ATP13A3: variants seen among roughly 807,000 people sequenced by gnomAD.
ATP13A3 encodes the protein polyamine-transporting ATPase 13A3.
In ATP13A3, 59 loss-of-function variants were observed where a neutral mutation model predicts 158.1. That is an observed-to-expected ratio of 0.37 (90% CI 0.30 to 0.46). ATP13A3 has a LOEUF of 0.46. Ranked by LOEUF, ATP13A3 falls within the 20% of genes least tolerant of loss-of-function variation. The probability of loss-of-function intolerance (pLI) is 1.00; values close to 1 mark genes in which losing one functional copy is unlikely to be tolerated. For missense variants in ATP13A3, 1,166 were observed against 1,525.2 expected (o/e 0.76, Z 3.92); for synonymous variants, 491 against 504.3 (o/e 0.97, Z 0.35).
rs771081858 is a variant in ATP13A3 at position 194,431,888 on chromosome 3, G to A, written c.2250C>T (p.Asp750=). The change falls in exon 22 of 34, where the codon GAC becomes GAT. Residue 750 remains aspartate, a synonymous_variant. Coordinates refer to ENST00000645319, the MANE Select transcript of ATP13A3 (RefSeq NM_001367549.1). ...ANIRTVMVTG[D]SMLTAVSVAR... ...CCACAGAGACAGCAGTCAACATACT[G>A]TCACCTAATTTTCAAAATATTTTAA... 41 of 1,573,416 alleles carry A rather than the reference G, an allele frequency of 2.6e-5. 1 individual carries two copies. The South Asian group carries it at 4.8e-4, about 19-fold the overall frequency.
chr3:194,412,460 G>C (rs1715515015), intron 32 of ATP13A3, 172 bp from the exon 33 acceptor site: 1 of 561,170 alleles, frequency 1.8e-6, no homozygotes, highest in African/African-American at 1.9e-5. Context: ...TAGGACTTTT[G>C]TAACAAATAC....
intron 2 of ATP13A3, among the ~76,000 whole-genome samples, chr3:194,484,966 A>G (rs1720909096): frequency 6.6e-6 from 1 of 151,898 alleles, no homozygotes; most frequent in Non-Finnish European, 1.5e-5. Flanking sequence ...CTGCGACAGG[A>G]GAATCGCTGA....
chr3:194,421,285 G>A (rs1290122719), intron 30 of ATP13A3, among the ~76,000 whole-genome samples: 2 of 145,630 alleles, frequency 1.4e-5, no homozygotes, highest in African/African-American at 5.2e-5. Flanking sequence ...TGGGCACGGT[G>A]GCTCACGCCT....
chr3:194,448,346 G>A lies in ATP13A3; in HGVS notation c.1150+111C>T. The A allele has an allele frequency of 7.7e-7, 1 of 1,291,066 alleles. No individual in the cohort carries two copies. The highest frequency in any genetic ancestry group is 1.1e-6 in the Non-Finnish European group (1 of 917,452). 80.0% of individuals were successfully genotyped at this position (1,291,066 alleles called of 1,614,324 possible). On this transcript the variant is annotated intron_variant, in intron 12 of 33. Coordinates refer to ENST00000645319, the MANE Select transcript of ATP13A3 (RefSeq NM_001367549.1). The surrounding 1 kb of genome is among the most constrained non-coding windows in gnomAD (Gnocchi z 4.0). ...GCCCACCTCGGCTTCCCAAAGTGCT[G>A]GGATTACAGGCGTTAGCCACAGCAC...
Position 194,429,698 on chromosome 3 carries a change from T to C in ATP13A3, c.2854A>G (p.Ser952Gly). 1.2e-6 allele frequency: 2 copies of C among 1,612,278 alleles called. No individual in the cohort carries two copies. Among genetic ancestry groups the C allele is most frequent in the Non-Finnish European group, 1.7e-6 (2 of 1,178,402 alleles). ...MALYSIIQYF[S>G]VTLLYSILSN... ...CTCACAGAATACAGCAGAGTAACAC[T>C]GAAGTACTGGATAATGCTGTACAAT... Residue 952 changes from serine (S) to glycine (G), a missense_variant, in exon 27 of 34, where the codon AGT (serine) becomes GGT (glycine). Physicochemically the swap from Ser to Gly is moderately conservative, Grantham distance 56. Transcript: ENST00000645319.
chr3:194,486,344 C>G (rs1417813168), intron 1 of ATP13A3, among the ~76,000 whole-genome samples: 1 of 152,068 alleles, frequency 6.6e-6, no homozygotes, highest in African/African-American at 2.4e-5. Flanking sequence ...GGCCCCCACG[C>G]TCGCCCCCGG....
chr3:194,451,836 C>T (rs1404045384), intron 10 of ATP13A3: 2 of 152,504 alleles, frequency 1.3e-5, no homozygotes, highest in Admixed American at 6.5e-5. Flanking sequence ...AACATCCATC[C>T]ACCTAGCCAG....
intron 16 of ATP13A3, among the ~76,000 whole-genome samples, chr3:194,439,541 A>G (rs769122437): frequency 2.6e-5 from 4 of 152,238 alleles, no homozygotes; most frequent in Admixed American, 6.5e-5. Context: ...TTAAACACAC[A>G]CTATAATTAG....
chr3:194,462,096 A>G, intron 3 of ATP13A3, 44 bp downstream of exon 3: 10 of 1,585,650 alleles, frequency 6.3e-6, no homozygotes, highest in Non-Finnish European at 8.7e-6. Context: ...AATTGCAGAG[A>G]TAAAGTCTTC....
chr3:194,442,695 T>A (rs972786096), intron 15 of ATP13A3, among the ~76,000 whole-genome samples: 5 of 151,590 alleles, frequency 3.3e-5, no homozygotes, highest in African/African-American at 1.2e-4. Context: ...GGCCTGAAAA[T>A]TTTCCAGAAT....
chr3:194,484,083 T>C (rs1720867804), intron 2 of ATP13A3, among the ~76,000 whole-genome samples: 1 of 152,166 alleles, frequency 6.6e-6, no homozygotes, highest in East Asian at 1.9e-4. Context: ...ATCTGATTTA[T>C]CACCAGAATC....
intron 14 of ATP13A3, among the ~76,000 whole-genome samples, chr3:194,446,267 G>A (rs1397014595): frequency 1.3e-5 from 2 of 151,928 alleles, no homozygotes; most frequent in African/African-American, 2.4e-5. Flanking sequence ...GCCCAGCCGC[G>A]ACCACTATCT....
chr3:194,447,791 C>T, intron 13 of ATP13A3, 61 bp downstream of exon 13: 1 of 1,424,564 alleles, frequency 7.0e-7, no homozygotes, highest in Non-Finnish European at 9.6e-7. Flanking sequence ...TTCAAATCCT[C>T]AATAGCTGCA....
upstream of ATP13A3, chr3:194,487,341 C>G (rs563368790): frequency 6.6e-6 from 1 of 152,360 alleles, no homozygotes; most frequent in Non-Finnish European, 1.5e-5. Flanking sequence ...GAAACTGAGG[C>G]TCAGTGACTA....
chr3:194,483,055 G>A (rs1313019498), intron 2 of ATP13A3, among the ~76,000 whole-genome samples: 2 of 151,152 alleles, frequency 1.3e-5, no homozygotes, highest in South Asian at 2.1e-4. Flanking sequence ...TGCAGTGAGC[G>A]GAGATCGCGC....
Position 194,448,590 on chromosome 3 carries a change from C to G in ATP13A3, c.1017G>C (p.Val339=). The part of the protein sequence containing the change: ...VTKTNLPNPS[V]DVKGIGDELY... ...ATTCATCTCCTATTCCTTTCACATCCACTGAAGGATTTGGCAAATTAGTCT... is the reference window on the plus strand; with the variant it reads ...ATTCATCTCCTATTCCTTTCACATCGACTGAAGGATTTGGCAAATTAGTCT... The change falls in exon 12 of 34, where the codon GTG becomes GTC. Residue 339 remains valine (V), a synonymous_variant. Coordinates refer to ENST00000645319, the MANE Select transcript of ATP13A3 (RefSeq NM_001367549.1). The surrounding 1 kb of genome is among the most constrained non-coding windows in gnomAD (Gnocchi z 4.0). 1 of 1,613,570 alleles carries G rather than the reference C, an allele frequency of 6.2e-7. No homozygotes were observed. The highest frequency in any genetic ancestry group is 8.5e-7 in the Non-Finnish European group (1 of 1,179,850).
chr3:194,457,076 T>C lies in ATP13A3; in HGVS notation c.560+18A>G. On this transcript the variant is annotated intron_variant, in intron 7 of 33. Coordinates refer to ENST00000645319, the MANE Select transcript of ATP13A3 (RefSeq NM_001367549.1). ...TAGGAATTTTGAGAAGATCTAACTT[T>C]AGTTGGATAAAAATTACCTGTAGGC... 1 of 1,588,750 alleles carries C rather than the reference T, an allele frequency of 6.3e-7. No homozygotes were observed. The highest frequency in any genetic ancestry group is 1.1e-5 in the South Asian group (1 of 89,826).
intron 33 of ATP13A3, among the ~76,000 whole-genome samples, chr3:194,408,733 T>TC (rs1272489673): frequency 1.3e-5 from 2 of 151,976 alleles, no homozygotes; most frequent in Admixed American, 1.3e-4. Context: ...TACCCCTACC[T>TC]CCCCCAAGTA....
intron 2 of ATP13A3, among the ~76,000 whole-genome samples, chr3:194,481,606 A>C (rs1720752296): frequency 6.6e-6 from 1 of 152,112 alleles, no homozygotes; most frequent in Non-Finnish European, 1.5e-5. Flanking sequence ...TCTTTATTTC[A>C]ATGTTCAACT....
Sources: allele counts gnomAD v4.1 joint callset (sites outside exome capture counted in the v4.1 genomes callset), GRCh38; gene constraint gnomAD v4.1.1; non-coding constraint Gnocchi (gnomAD v3.1); transcripts MANE v1.5; gene names NCBI Gene and HGNC (gene_info 2026-07-23, HGNC 2026-07-21).